DPP10: variants seen among roughly 807,000 people sequenced by gnomAD.
The protein encoded by DPP10 is dipeptidyl peptidase like 10.
A neutral mutation model predicts 120.9 loss-of-function variants in DPP10; 33 were observed. The ratio of observed to expected loss-of-function variants is 0.27; its 90% confidence interval spans 0.21 to 0.37. DPP10 has a LOEUF of 0.37. Ranked by LOEUF, DPP10 falls within the 10% of genes least tolerant of loss-of-function variation. DPP10 has a pLI of 1.00. For synonymous variants in DPP10, 337 were observed against 326.1 expected (o/e 1.03, Z -0.36); for missense variants, 816 against 942.8 (o/e 0.87, Z 1.76).
At chr2:115,410,496 A>C (rs12711825) in intron 3 of DPP10, among the ~76,000 whole-genome samples, 80,185 of 151,954 alleles carry the variant, frequency 0.53, 22,107 homozygotes, top group Non-Finnish European at 0.63. Flanking sequence ...AGGGGAGAGC[A>C]TGAGGAAGAA....
chr2:115,484,087 T>G (rs893747644), intron 3 of DPP10, among the ~76,000 whole-genome samples: 7 of 151,414 alleles, frequency 4.6e-5, no homozygotes, highest in South Asian at 2.1e-4. Flanking sequence ...ATTTTAACAA[T>G]TACTAAAAAC....
At chr2:114,942,362 CATATATAT>C (rs1194523098) in intron 1 of DPP10, among the ~76,000 whole-genome samples, 1 of 91,226 alleles carries the variant, frequency 1.1e-5, no homozygotes, top group Non-Finnish European at 2.0e-5. Context: ...TATATATATA[CATATATAT>C]ACACACACAT....
At chr2:114,464,171 G>C (rs944324468) in intron 1 of DPP10, among the ~76,000 whole-genome samples, 2 of 152,108 alleles carry the variant, frequency 1.3e-5, no homozygotes, top group Non-Finnish European at 2.9e-5. Context: ...AACTTATGGG[G>C]GATATGGTAA....
At chr2:114,641,286 C>T (rs915550681) in intron 1 of DPP10, among the ~76,000 whole-genome samples, 4 of 151,944 alleles carry the variant, frequency 2.6e-5, no homozygotes, top group African/African-American at 9.7e-5. Flanking sequence ...CAACTCCGAC[C>T]TTTGTCTTTT....
intron 8 of DPP10, among the ~76,000 whole-genome samples, chr2:115,733,670 A>C (rs4308128): frequency 0.4 from 60,135 of 151,860 alleles, 14,417 homozygotes; most frequent in East Asian, 0.65. Flanking sequence ...TGAACTGACA[A>C]ACTAAAAATG....
chr2:114,837,259 A>C (rs1206149745), intron 1 of DPP10, among the ~76,000 whole-genome samples: 1 of 152,162 alleles, frequency 6.6e-6, no homozygotes, highest in Non-Finnish European at 1.5e-5. Context: ...AAAAGTATTA[A>C]TTTGGGGAAC....
intron 1 of DPP10, among the ~76,000 whole-genome samples, chr2:114,505,299 G>T (rs574071248): frequency 5.9e-5 from 9 of 152,166 alleles, no homozygotes; most frequent in African/African-American, 9.6e-5. Flanking sequence ...TTGTAGGGAA[G>T]TAACTAACAG....
At chr2:115,468,575 G>T in intron 3 of DPP10, 1 of 404,332 alleles carries the variant, frequency 2.5e-6, no homozygotes, top group Non-Finnish European at 4.8e-6. Context: ...TAATGTGGTT[G>T]ATGGTGGCCC....
chr2:115,751,372 G>A (rs1350310629), intron 10 of DPP10, among the ~76,000 whole-genome samples: 1 of 152,112 alleles, frequency 6.6e-6, no homozygotes, highest in Non-Finnish European at 1.5e-5. Context: ...GGATCACAAG[G>A]CCTATTGATA....
In DPP10 at chr2:114,615,135, T is replaced by A. The variant is rs1693582640; in HGVS notation, c.60+172297T>A. Reference sequence around the variant, plus strand: ...TAATCAATTAGATGTACAAATCTTATTGCATACCATGGATCTTTTTTCTTC... The same window carrying A: ...TAATCAATTAGATGTACAAATCTTAATGCATACCATGGATCTTTTTTCTTC... On this transcript the variant is annotated intron_variant, in intron 1 of 25. Coordinates refer to ENST00000410059, the MANE Select transcript of DPP10 (RefSeq NM_020868.6). Among the ~76,000 whole-genome samples the A allele has an allele frequency of 2.0e-5, 3 of 152,180 alleles. No individual in the cohort carries two copies. The South Asian group carries it at 6.2e-4, about 32-fold the overall frequency.
At chr2:115,138,399 G>C (rs1370667056) in intron 1 of DPP10, among the ~76,000 whole-genome samples, 1 of 152,128 alleles carries the variant, frequency 6.6e-6, no homozygotes, top group Non-Finnish European at 1.5e-5. Flanking sequence ...CATTCTATTG[G>C]TTAAAGAGTG....
intron 1 of DPP10, among the ~76,000 whole-genome samples, chr2:114,504,224 C>T (rs1281188512): frequency 6.6e-6 from 1 of 152,144 alleles, no homozygotes; most frequent in Non-Finnish European, 1.5e-5. Flanking sequence ...ATTTAGTCTT[C>T]TATTTGCCAC....
intron 2 of DPP10, among the ~76,000 whole-genome samples, chr2:115,328,889 G>A (rs550419571): frequency 1.3e-5 from 2 of 152,140 alleles, no homozygotes; most frequent in East Asian, 1.9e-4. Flanking sequence ...ACCTGCTAGT[G>A]AAGGGTTGAA....
At chr2:115,661,076 A>C (rs1208836596) in intron 5 of DPP10, among the ~76,000 whole-genome samples, 1 of 151,850 alleles carries the variant, frequency 6.6e-6, no homozygotes, top group Non-Finnish European at 1.5e-5. Flanking sequence ...CAGCCTCCCG[A>C]GTAGCTGGGA....
chr2:114,530,439 T>C (rs1445060469), intron 1 of DPP10, among the ~76,000 whole-genome samples: 1 of 152,272 alleles, frequency 6.6e-6, no homozygotes, highest in East Asian at 1.9e-4. Flanking sequence ...ATGATTATTA[T>C]CGAAATATCT....
chr2:115,745,960 T>C (rs975539123), intron 9 of DPP10, 126 bp from the exon 10 acceptor site: 1 of 634,988 alleles, frequency 1.6e-6, no homozygotes, highest in Non-Finnish European at 2.6e-6. Context: ...CATTTCTACT[T>C]CAGAGAAATT....
intron 5 of DPP10, among the ~76,000 whole-genome samples, chr2:115,552,134 T>G (rs1215110189): frequency 6.6e-6 from 1 of 152,112 alleles, no homozygotes; most frequent in African/African-American, 2.4e-5. Context: ...AACAAAGTAT[T>G]TCCATGAAGT....
intron 1 of DPP10, among the ~76,000 whole-genome samples, chr2:115,224,430 A>G (rs2057333183): frequency 6.6e-6 from 1 of 152,138 alleles, no homozygotes; most frequent in South Asian, 2.1e-4. Flanking sequence ...AATATTAAAA[A>G]TTTGCTAGGT....
At chr2:115,536,609 C>G (rs778003060) in intron 5 of DPP10, among the ~76,000 whole-genome samples, 1 of 151,884 alleles carries the variant, frequency 6.6e-6, no homozygotes, top group Non-Finnish European at 1.5e-5. Context: ...ATGTATGCTT[C>G]CCCAGTAAAG....
Sources: allele counts gnomAD v4.1 joint callset (sites outside exome capture counted in the v4.1 genomes callset), GRCh38; gene constraint gnomAD v4.1.1; transcripts MANE v1.5; gene names NCBI Gene and HGNC (gene_info 2026-07-23, HGNC 2026-07-21).